Variants in TBC1D32 observed in about 807,000 individuals in gnomAD.
TBC1D32 encodes TBC1 domain family member 32.
In TBC1D32, 151 loss-of-function variants were observed where a neutral mutation model predicts 170.3. The observed-to-expected ratio is 0.89, with a 90% CI of 0.78 to 1.01. The LOEUF (loss-of-function observed/expected upper bound fraction) is 1.01. Ranked by LOEUF, TBC1D32 falls within the 50% of genes least tolerant of loss-of-function variation. The pLI is 0.00. For synonymous variants in TBC1D32, 498 were observed against 488.0 expected, an observed-to-expected ratio of 1.02 and a Z score of -0.27; for missense variants, 1,464 against 1,457.1, an observed-to-expected ratio of 1.00 and a Z score of -0.08.
chr6:121,113,309 A>G, intron 27 of TBC1D32, 132 bp from the exon 28 acceptor site: 1 of 530,888 alleles, frequency 1.9e-6, no homozygotes, highest in Non-Finnish European at 3.3e-6. Flanking sequence ...GTTTCTGATG[A>G]TTATGATATA....
intron 12 of TBC1D32, among the ~76,000 whole-genome samples, chr6:121,290,862 A>C (rs1351447165): frequency 6.6e-6 from 1 of 152,136 alleles, no homozygotes; most frequent in Non-Finnish European, 1.5e-5. Flanking sequence ...GACACAGATG[A>C]AGCTAGAAAC....
At chr6:121,283,973 T>C in intron 12 of TBC1D32, 63 bp from the exon 13 acceptor site, 1 of 1,206,520 alleles carries the variant, frequency 8.3e-7, no homozygotes, top group African/African-American at 1.5e-5. Flanking sequence ...AAGAGAAATT[T>C]AACTGAGCTT....
At chr6:121,270,158 C>T (rs9385193) in intron 15 of TBC1D32, among the ~76,000 whole-genome samples, 3 of 151,768 alleles carry the variant, frequency 2.0e-5, no homozygotes, top group African/African-American at 4.9e-5. Flanking sequence ...CAAGAGAAAG[C>T]AGGAAAGATT....
intron 22 of TBC1D32, among the ~76,000 whole-genome samples, chr6:121,169,883 T>A (rs1786712200): frequency 2.6e-5 from 4 of 152,090 alleles, no homozygotes; most frequent in Admixed American, 2.6e-4. Context: ...GATTTATTAA[T>A]GAAAAAAATT....
chr6:121,173,921 A>T (rs908186697), intron 22 of TBC1D32, among the ~76,000 whole-genome samples: 14 of 2,088 alleles, frequency 6.7e-3, no homozygotes, highest in Admixed American at 0.05. Flanking sequence ...AAGAAAAAAT[A>T]AAAAAAAAAG....
chr6:121,320,308 C>G lies in TBC1D32; in HGVS notation c.317+1325G>C, dbSNP rs566727402. Among the ~76,000 whole-genome samples, 12 of 150,584 alleles carry G rather than the reference C, an allele frequency of 8.0e-5. No individual in the cohort carries two copies. The South Asian group carries it at 1.7e-3, about 21-fold the overall frequency. On this transcript the variant is annotated intron_variant, in intron 2 of 31. Coordinates refer to ENST00000398212, the MANE Select transcript of TBC1D32 (RefSeq NM_152730.6). Reference sequence around the variant, plus strand: ...AGTGGAAAATAAACATTTACCGAGTCATTTAAAATCTTTGTGAGGTAATTA... The same window carrying G: ...AGTGGAAAATAAACATTTACCGAGTGATTTAAAATCTTTGTGAGGTAATTA...
At chr6:121,098,380 G>T (rs1777659750) in intron 30 of TBC1D32, among the ~76,000 whole-genome samples, 1 of 151,804 alleles carries the variant, frequency 6.6e-6, no homozygotes, top group Non-Finnish European at 1.5e-5. Context: ...AGAAGTACCA[G>T]TAAAGTAAGG....
intron 20 of TBC1D32, among the ~76,000 whole-genome samples, chr6:121,227,357 A>AT (rs1202801056): frequency 2.6e-5 from 4 of 152,048 alleles, no homozygotes; most frequent in Non-Finnish European, 5.9e-5. Flanking sequence ...TATGCCTTCT[A>AT]TTTTTTCTTG....
chr6:121,270,489 G>A (rs1296944223), intron 15 of TBC1D32, among the ~76,000 whole-genome samples: 2 of 152,116 alleles, frequency 1.3e-5, no homozygotes, highest in South Asian at 2.1e-4. Flanking sequence ...ACACCTCTAC[G>A]CAAATAAACT....
chr6:121,264,880 C>A (rs570594068), intron 15 of TBC1D32, among the ~76,000 whole-genome samples: 33 of 152,276 alleles, frequency 2.2e-4, no homozygotes, highest in Non-Finnish European at 4.0e-4. Context: ...ATGCTAAAAA[C>A]TCTCAATAAA....
intron 22 of TBC1D32, among the ~76,000 whole-genome samples, chr6:121,183,817 C>T (rs1233150022): frequency 6.6e-6 from 1 of 151,948 alleles, no homozygotes; most frequent in African/African-American, 2.4e-5. Context: ...CAGAATTTCT[C>T]CAACAGTCTT....
intron 22 of TBC1D32, among the ~76,000 whole-genome samples, chr6:121,185,204 A>C (rs2128279002): frequency 6.6e-6 from 1 of 152,154 alleles, no homozygotes; most frequent in East Asian, 1.9e-4. Context: ...AAAGTAATCC[A>C]ATTCTAGCAG....
chr6:121,287,306 A>G (rs899153651), intron 12 of TBC1D32, among the ~76,000 whole-genome samples: 3 of 152,170 alleles, frequency 2.0e-5, no homozygotes, highest in African/African-American at 7.2e-5. Context: ...GGATGAAGGA[A>G]GATCTACCAA....
In TBC1D32 at chr6:121,131,749, T is replaced by C. The variant is rs755944931; in HGVS notation, c.2777A>G (p.Asn926Ser). 2.8e-5 allele frequency: 44 copies of C among 1,585,552 alleles called. No homozygotes were observed. Among genetic ancestry groups the C allele is most frequent in the South Asian group, 4.4e-5 (4 of 90,064 alleles). Residue 926 changes from asparagine (N) to serine (S), a missense_variant, in exon 25 of 32, where the codon AAT becomes AGT. Asn to Ser is a conservative substitution (Grantham distance 46). Coordinates refer to ENST00000398212, the MANE Select transcript of TBC1D32 (RefSeq NM_152730.6). ...ITRNAGIKQD[N>S]DLDKLLLCLK... is the part of the protein sequence containing the mutation. Reference sequence around the variant, plus strand: ...GCATAATAAAAGCTTGTCAAGATCATTGTCTAATCAGAAAGATAACATACT... The same window carrying C: ...GCATAATAAAAGCTTGTCAAGATCACTGTCTAATCAGAAAGATAACATACT...
At chr6:121,279,080 C>T (rs1446221857) in intron 15 of TBC1D32, 41 bp downstream of exon 15, 1 of 1,564,714 alleles carries the variant, frequency 6.4e-7, no homozygotes, top group South Asian at 1.2e-5. Flanking sequence ...GAAAACCAAA[C>T]TATACCTGGA....
chr6:121,127,560 T>C (rs1296736020), intron 25 of TBC1D32, among the ~76,000 whole-genome samples: 1 of 152,132 alleles, frequency 6.6e-6, no homozygotes. Flanking sequence ...ACACAAATTT[T>C]GCCATATTTA....
intron 31 of TBC1D32, among the ~76,000 whole-genome samples, chr6:121,090,081 C>T (rs1345824329): frequency 4.6e-5 from 7 of 151,996 alleles, no homozygotes; most frequent in African/African-American, 1.7e-4. Flanking sequence ...TACAGGCGCC[C>T]GCCAACACAG....
chr6:121,169,265 A>G (rs1193272816), intron 22 of TBC1D32, among the ~76,000 whole-genome samples: 1 of 152,040 alleles, frequency 6.6e-6, no homozygotes, highest in Non-Finnish European at 1.5e-5. Flanking sequence ...AATAAGGCCA[A>G]ACTTCTACAA....
intron 24 of TBC1D32, among the ~76,000 whole-genome samples, chr6:121,149,708 T>C (rs1783958149): frequency 6.6e-6 from 1 of 152,176 alleles, no homozygotes; most frequent in South Asian, 2.1e-4. Flanking sequence ...CCAGCTTTGT[T>C]CTTATTGCTT....
Sources: allele counts gnomAD v4.1 joint callset (sites outside exome capture counted in the v4.1 genomes callset), GRCh38; gene constraint gnomAD v4.1.1; transcripts MANE v1.5; gene names NCBI Gene and HGNC (gene_info 2026-07-23, HGNC 2026-07-21).